Variants in OR10J1 observed in about 807,000 individuals in gnomAD.
The protein encoded by OR10J1 is olfactory receptor 10J1.
For synonymous variants in OR10J1, 202 were observed against 143.8 expected, an observed-to-expected ratio of 1.40 and a Z score of -2.89; for missense variants, 474 against 376.6, an observed-to-expected ratio of 1.26 and a Z score of -2.14.
chr1:159,426,667 C>T, the OR10J1 span, among the ~76,000 whole-genome samples: 9 of 151,834 alleles, frequency 5.9e-5, no homozygotes, highest in South Asian at 1.7e-3. Flanking sequence ...ATTAACAGGC[C>T]TAATCTAAAG....
chr1:159,432,341 C>G, the OR10J1 span: 1 of 401,348 alleles, frequency 2.5e-6, no homozygotes, highest in African/African-American at 2.1e-5. Context: ...ATGCTATCAT[C>G]TTGATAGTTA....
the OR10J1 span, among the ~76,000 whole-genome samples, chr1:159,418,507 C>T: frequency 6.6e-6 from 1 of 152,180 alleles, no homozygotes; most frequent in Non-Finnish European, 1.5e-5. Context: ...GAACAGAAGT[C>T]AAGAATCGAG....
At chr1:159,432,333 G>A in the OR10J1 span, 1 of 401,322 alleles carries the variant, frequency 2.5e-6, no homozygotes, top group Non-Finnish European at 4.4e-6. Context: ...TGCCAGCAAT[G>A]CTATCATCTT....
At chr1:159,407,636 A>G in the OR10J1 span, among the ~76,000 whole-genome samples, 5 of 152,262 alleles carry the variant, frequency 3.3e-5, no homozygotes, top group Middle Eastern at 3.4e-3. Flanking sequence ...CATGAATACA[A>G]TCAATTTTAT....
chr1:159,415,323 A>G, the OR10J1 span, among the ~76,000 whole-genome samples: 9 of 152,024 alleles, frequency 5.9e-5, no homozygotes, highest in Non-Finnish European at 8.8e-5. Context: ...TTATTGAAGA[A>G]GGTATCCTTT....
chr1:159,425,489 CTG>C, the OR10J1 span, among the ~76,000 whole-genome samples: 2 of 151,954 alleles, frequency 1.3e-5, no homozygotes, highest in African/African-American at 4.8e-5. Context: ...CTGTATCTAA[CTG>C]TATCTATAGA....
At chr1:159,432,508 T>C in the OR10J1 span, 1 of 447,604 alleles carries the variant, frequency 2.2e-6, no homozygotes, top group Non-Finnish European at 4.0e-6. Context: ...GCCGCTCAGC[T>C]CTTTTTCTAT....
the OR10J1 span, among the ~76,000 whole-genome samples, chr1:159,409,493 T>A: frequency 1.3e-5 from 2 of 152,074 alleles, no homozygotes; most frequent in Non-Finnish European, 2.9e-5. Flanking sequence ...TATTTTGCAA[T>A]TTCTCACTGA....
At chr1:159,403,812 C>T in the OR10J1 span, among the ~76,000 whole-genome samples, 1 of 152,088 alleles carries the variant, frequency 6.6e-6, no homozygotes, top group African/African-American at 2.4e-5. Context: ...GATTGTACTC[C>T]TATGTTTGTG....
At chr1:159,428,515 CAT>C in the OR10J1 span, among the ~76,000 whole-genome samples, 1 of 152,080 alleles carries the variant, frequency 6.6e-6, no homozygotes, top group Non-Finnish European at 1.5e-5. Flanking sequence ...AAAGAAGAGA[CAT>C]TGACAAAAAA....
At chr1:159,426,107 A>C in the OR10J1 span, among the ~76,000 whole-genome samples, 1 of 151,986 alleles carries the variant, frequency 6.6e-6, no homozygotes, top group African/African-American at 2.4e-5. Context: ...AACAAATTTT[A>C]AAAAACAATT....
chr1:159,430,668 T>TGTGTGCGC, the OR10J1 span, among the ~76,000 whole-genome samples: 1,897 of 69,640 alleles, frequency 0.027, 17 homozygotes, highest in Non-Finnish European at 0.053. Context: ...TGTGTGTGTG[T>TGTGTGCGC]GCGCGCGCGC....
At chr1:159,402,521 A>G in the OR10J1 span, among the ~76,000 whole-genome samples, 1 of 152,130 alleles carries the variant, frequency 6.6e-6, no homozygotes, top group Non-Finnish European at 1.5e-5. Flanking sequence ...ATAGCCACAC[A>G]TAAAATGAAT....
the OR10J1 span, among the ~76,000 whole-genome samples, chr1:159,427,357 A>G: frequency 5.3e-5 from 8 of 151,798 alleles, no homozygotes; most frequent in African/African-American, 1.9e-4. Flanking sequence ...TAGATATTTT[A>G]TTTTTTAAGT....
chr1:159,429,909 C>T, the OR10J1 span, among the ~76,000 whole-genome samples: 16 of 152,022 alleles, frequency 1.1e-4, no homozygotes, highest in African/African-American at 3.6e-4. Context: ...CTGTGTCTGC[C>T]ACAGTACAAT....
At chr1:159,400,893 CA>C in the OR10J1 span, among the ~76,000 whole-genome samples, 13 of 151,888 alleles carry the variant, frequency 8.6e-5, no homozygotes, top group Admixed American at 8.5e-4. Flanking sequence ...TTAAAACATT[CA>C]AAAAATTTAA....
chr1:159,401,522 G>A, the OR10J1 span, among the ~76,000 whole-genome samples: 5 of 151,708 alleles, frequency 3.3e-5, no homozygotes, highest in Non-Finnish European at 7.4e-5. Context: ...AAATACTTAG[G>A]TAGATACAAC....
At chr1:159,436,067 A>G (rs1456907113), upstream of OR10J1, among the ~76,000 whole-genome samples, 1 of 152,108 alleles carries the variant, frequency 6.6e-6, no homozygotes, top group Admixed American at 6.6e-5. Context: ...GAAGTGGTAT[A>G]CCTGTCCTTT....
At chr1:159,416,348 A>G in the OR10J1 span, among the ~76,000 whole-genome samples, 5 of 151,716 alleles carry the variant, frequency 3.3e-5, no homozygotes. Context: ...ATGCTCAGGT[A>G]TGATCTTTCT....
Sources: gnomAD v4.1 joint callset for allele counts (sites outside exome capture counted in the v4.1 genomes callset) on GRCh38, gnomAD v4.1.1 for gene constraint, MANE v1.5 for transcripts, NCBI Gene and HGNC (gene_info 2026-07-23, HGNC 2026-07-21) for gene names.